Variants in PRCP observed in about 807,000 individuals in gnomAD.
PRCP encodes the protein prolylcarboxypeptidase.
Under a neutral mutation model 54.2 loss-of-function variants are expected in PRCP, and 46 were observed. That is an observed-to-expected ratio of 0.85 (90% CI 0.67 to 1.09). The LOEUF (loss-of-function observed/expected upper bound fraction) is 1.09, where lower values mean the gene tolerates loss of function less well. PRCP is among the 50% of genes least tolerant of loss of function. The pLI is 0.00. For missense variants in PRCP, 613 were observed against 596.8 expected, an observed-to-expected ratio of 1.03 and a Z score of -0.28; for synonymous variants, 240 against 212.2, an observed-to-expected ratio of 1.13 and a Z score of -1.14.
At chr11:82,846,385 G>C (rs1460733457) in intron 6 of PRCP, among the ~76,000 whole-genome samples, 1 of 151,964 alleles carries the variant, frequency 6.6e-6, no homozygotes, top group Non-Finnish European at 1.5e-5. Context: ...AAATCAGATG[G>C]GTAACTAACT....
At chr11:82,866,227 T>G (rs1384236399) in intron 1 of PRCP, among the ~76,000 whole-genome samples, 7 of 152,136 alleles carry the variant, frequency 4.6e-5, no homozygotes, top group Non-Finnish European at 1.0e-4. Flanking sequence ...CCCCAGTGAG[T>G]GTAGTGGTAG....
chr11:82,824,795 C>A lies in PRCP; in HGVS notation c.*111G>T. 3.6e-6 allele frequency: 4 copies of A among 1,126,650 alleles called. No homozygotes were observed. The highest frequency in any genetic ancestry group is 1.5e-5 in the African/African-American group (1 of 64,682). The allele number at this position is 1,126,650 out of a possible 1,614,324, so 69.8% of individuals were successfully genotyped here. On this transcript the variant is annotated 3_prime_UTR_variant, in exon 9 of 9. Coordinates refer to ENST00000313010, the MANE Select transcript of PRCP (RefSeq NM_005040.4). ...CTCTATTCTATCTCAACTTTGGCCCCATCAAATCTAATGATAAACAAAAGA... is the reference window on the plus strand; with the variant it reads ...CTCTATTCTATCTCAACTTTGGCCCAATCAAATCTAATGATAAACAAAAGA...
At chr11:82,879,299 C>G (rs1258151673) in intron 1 of PRCP, among the ~76,000 whole-genome samples, 1 of 152,200 alleles carries the variant, frequency 6.6e-6, no homozygotes, top group Non-Finnish European at 1.5e-5. Flanking sequence ...CACTGATACC[C>G]TTTCTTCCAC....
chr11:82,843,365 T>C (rs1858722397), intron 6 of PRCP: 1 of 150,686 alleles, frequency 6.6e-6, no homozygotes, highest in Non-Finnish European at 1.5e-5. Context: ...TTTTATCAAA[T>C]AACTGTAGGA....
chr11:82,882,585 T>A (rs1024164591), intron 1 of PRCP, among the ~76,000 whole-genome samples: 1 of 141,376 alleles, frequency 7.1e-6, no homozygotes, highest in Non-Finnish European at 1.5e-5. Context: ...AAGCTCCGCC[T>A]CCCGGGTTCA....
chr11:82,852,490 G>A (rs887456637), intron 3 of PRCP, among the ~76,000 whole-genome samples: 2 of 152,128 alleles, frequency 1.3e-5, no homozygotes, highest in African/African-American at 4.8e-5. Context: ...AGAATAACCA[G>A]TACACAGAGC....
intron 1 of PRCP, among the ~76,000 whole-genome samples, chr11:82,890,939 T>C (rs190312134): frequency 3.9e-5 from 6 of 152,376 alleles, no homozygotes; most frequent in Admixed American, 3.9e-4. Context: ...GACTTCTAAA[T>C]ATGCAGTGTT....
chr11:82,856,133 C>T (rs1389677307), intron 2 of PRCP, among the ~76,000 whole-genome samples: 1 of 152,056 alleles, frequency 6.6e-6, no homozygotes, highest in Non-Finnish European at 1.5e-5. Context: ...TAGTGAAACC[C>T]TTTTCTCTAC....
Position 82,838,491 on chromosome 11 carries a change from A to C in PRCP, c.1170T>G (p.Leu390=), listed in dbSNP as rs759987379. The change falls in exon 8 of 9, where the codon CTT becomes CTG. Residue 390 remains leucine, a synonymous_variant. Transcript: ENST00000313010. ...FEPHSWNLKE[L]SDDCFQQWGV... ...CCCACTGTTGAAAACAGTCATCAGA[A>C]AGTTCCTTTAAGTTCCATGAGTGAG... The C allele has an allele frequency of 2.6e-5, 42 of 1,613,996 alleles. No individual in the cohort carries two copies. Among genetic ancestry groups the C allele is most frequent in the Non-Finnish European group, 2.8e-5 (33 of 1,179,966 alleles).
chr11:82,853,555 A>G (rs1024473087), intron 2 of PRCP, among the ~76,000 whole-genome samples: 2 of 152,220 alleles, frequency 1.3e-5, no homozygotes, highest in African/African-American at 4.8e-5. Context: ...TAGCCCTAGC[A>G]TCAACATTAT....
chr11:82,884,193 T>C (rs1859814060), intron 1 of PRCP, among the ~76,000 whole-genome samples: 1 of 152,238 alleles, frequency 6.6e-6, no homozygotes, highest in Non-Finnish European at 1.5e-5. Context: ...GTTCCTGGTT[T>C]AAATTAGATT....
chr11:82,837,415 T>C (rs1414566566), intron 8 of PRCP, among the ~76,000 whole-genome samples: 2 of 152,244 alleles, frequency 1.3e-5, no homozygotes, highest in African/African-American at 4.8e-5. Flanking sequence ...CATTGCCTAC[T>C]TTAACAACTG....
chr11:82,840,818 A>C (rs1205810902), intron 6 of PRCP: 1 of 151,922 alleles, frequency 6.6e-6, no homozygotes, highest in African/African-American at 2.4e-5. Context: ...AGGTTAAGTC[A>C]TCTTCAAGGT....
chr11:82,829,372 T>C (rs1565215486), intron 8 of PRCP: 1 of 152,412 alleles, frequency 6.6e-6, no homozygotes, highest in East Asian at 1.9e-4. Flanking sequence ...ACACTGACCT[T>C]ACTCCACGTG....
intron 1 of PRCP, among the ~76,000 whole-genome samples, chr11:82,898,282 A>T (rs1277786799): frequency 6.6e-6 from 1 of 152,226 alleles, no homozygotes; most frequent in Admixed American, 6.5e-5. Context: ...TGGACTTTGC[A>T]TATCATCAAA....
chr11:82,881,243 T>C (rs1010334012), intron 1 of PRCP, among the ~76,000 whole-genome samples: 2 of 152,228 alleles, frequency 1.3e-5, no homozygotes, highest in African/African-American at 4.8e-5. Context: ...TTATTTCTAT[T>C]AAGAAATCTT....
intron 1 of PRCP, among the ~76,000 whole-genome samples, chr11:82,874,693 A>G (rs1056191095): frequency 1.4e-4 from 20 of 148,140 alleles, no homozygotes; most frequent in African/African-American, 5.0e-4. Context: ...CCTGTCTCAA[A>G]AAAAAAAAAA....
At chr11:82,894,820 G>A (rs918739478) in intron 1 of PRCP, among the ~76,000 whole-genome samples, 3 of 152,120 alleles carry the variant, frequency 2.0e-5, no homozygotes, top group African/African-American at 7.2e-5. Context: ...GTTATCAAGA[G>A]AAGAAGGTAC....
chr11:82,854,654 A>G (rs962512087), intron 2 of PRCP, among the ~76,000 whole-genome samples: 1 of 151,598 alleles, frequency 6.6e-6, no homozygotes, highest in Non-Finnish European at 1.5e-5. Flanking sequence ...GGAAAAAAAA[A>G]CTATTTTGAA....
Sources: allele counts gnomAD v4.1 joint callset (sites outside exome capture counted in the v4.1 genomes callset), GRCh38; gene constraint gnomAD v4.1.1; transcripts MANE v1.5; gene names NCBI Gene and HGNC (gene_info 2026-07-23, HGNC 2026-07-21).